ANK3: variants seen among roughly 807,000 people sequenced by gnomAD.
ANK3 encodes the protein ankyrin 3, also known as ankyrin-3.
In ANK3, 57 loss-of-function variants were observed where a neutral mutation model predicts 370.9. That is an observed-to-expected ratio of 0.15 (90% CI 0.12 to 0.19). ANK3 has a LOEUF of 0.19. Among genes scored for constraint, ANK3 ranks in the 10% least tolerant of loss-of-function variants. The pLI is 1.00. For missense variants in ANK3, 4,439 were observed against 5,302.1 expected (o/e 0.84, Z 5.06); for synonymous variants, 1,929 against 1,946.3 (o/e 0.99, Z 0.23).
intron 2 of ANK3, among the ~76,000 whole-genome samples, chr10:60,520,427 A>T (rs539185646): frequency 9.9e-5 from 15 of 152,264 alleles, no homozygotes; most frequent in East Asian, 9.7e-4. Context: ...CTAAAATAAA[A>T]GTTGAATTTA....
chr10:60,731,739 A>G (rs2080025198), intron 1 of ANK3, among the ~76,000 whole-genome samples: 1 of 152,210 alleles, frequency 6.6e-6, no homozygotes, highest in Non-Finnish European at 1.5e-5. Flanking sequence ...CTAAAGCAGC[A>G]ATCTGTGTCC....
chr10:60,432,822 A>G (rs186930572), intron 2 of ANK3, among the ~76,000 whole-genome samples: 19 of 152,308 alleles, frequency 1.2e-4, no homozygotes, highest in Admixed American at 1.0e-3. Flanking sequence ...ACCAAGTGAA[A>G]TTATCCCACT....
chr10:60,208,239 A>G lies in ANK3; in HGVS notation c.997-6T>C. The G allele has an allele frequency of 6.2e-7, 1 of 1,613,276 alleles. No individual in the cohort carries two copies. The highest frequency in any genetic ancestry group is 2.2e-5 in the East Asian group (1 of 44,878). On this transcript the variant is annotated splice_polypyrimidine_tract_variant and splice_region_variant and intron_variant, in intron 9 of 43. Coordinates refer to ENST00000280772, the MANE Select transcript of ANK3 (RefSeq NM_020987.5). Reference sequence around the variant, plus strand: ...TGCAATGGAGATAATCCATTCTGGAACACATAAAGAAATCAGAGTTCATTC... The same window carrying G: ...TGCAATGGAGATAATCCATTCTGGAGCACATAAAGAAATCAGAGTTCATTC...
At chr10:60,347,421 G>A (rs936714415) in intron 1 of ANK3, among the ~76,000 whole-genome samples, 1 of 151,664 alleles carries the variant, frequency 6.6e-6, no homozygotes, top group African/African-American at 2.4e-5. Context: ...GCACTTCCTT[G>A]GGATTGGATA....
Position 60,088,314 on chromosome 10 carries a change from T to C in ANK3, c.3373A>G (p.Ile1125Val). ...EELGKKRICR[I>V]ITKDFPQYFA... Reference sequence around the variant, plus strand: ...TACTGGGGGAAATCTTTCGTGATAATCCTGCAGATACGCTTTTTCCCTAAC... The same window carrying C: ...TACTGGGGGAAATCTTTCGTGATAACCCTGCAGATACGCTTTTTCCCTAAC... The change falls in exon 29 of 44, where the codon ATT becomes GTT. Residue 1125 changes from isoleucine to valine, a missense_variant. Coordinates refer to ENST00000280772, the MANE Select transcript of ANK3 (RefSeq NM_020987.5). 3 of 1,614,202 alleles carry C rather than the reference T, an allele frequency of 1.9e-6. No homozygotes were observed. Among genetic ancestry groups the C allele is most frequent in the Non-Finnish European group, 2.5e-6 (3 of 1,180,012 alleles).
chr10:60,233,535 G>A lies in ANK3; in HGVS notation c.897+1153C>T, dbSNP rs562204219. On this transcript the variant is annotated intron_variant, in intron 8 of 43. Coordinates refer to ENST00000280772, the MANE Select transcript of ANK3 (RefSeq NM_020987.5). ...TAGCCTTGAACTCCTGGGCTCAAGC[G>A]ATCCTCCTGCCTCAGCCTGTTGTAC... Among the ~76,000 whole-genome samples the A allele has an allele frequency of 4.7e-4, 72 of 152,238 alleles. 1 individual carries two copies. Among genetic ancestry groups the A allele is most frequent in the South Asian group, 1.7e-3 (8 of 4,828 alleles).
chr10:60,383,029 A>G (rs1429945268), intron 1 of ANK3, among the ~76,000 whole-genome samples: 2 of 152,024 alleles, frequency 1.3e-5, no homozygotes, highest in Non-Finnish European at 2.9e-5. Flanking sequence ...TTCACCCTGG[A>G]TGTCCATTAA....
chr10:60,281,940 A>C (rs565022270), intron 1 of ANK3, among the ~76,000 whole-genome samples: 2 of 152,374 alleles, frequency 1.3e-5, no homozygotes, highest in African/African-American at 4.8e-5. Flanking sequence ...ACAAAGGACA[A>C]ATAAAAGTTT....
At chr10:60,572,744 G>A in intron 2 of ANK3, 2 of 1,358,970 alleles carry the variant, frequency 1.5e-6, no homozygotes, top group South Asian at 4.1e-5. Context: ...GAAACTGGGT[G>A]TTCTCTATAT....
intron 25 of ANK3, among the ~76,000 whole-genome samples, chr10:60,129,951 T>C (rs550235436): frequency 1.1e-4 from 16 of 152,362 alleles, no homozygotes; most frequent in Non-Finnish European, 2.1e-4. Flanking sequence ...GATGAAATTA[T>C]TGCTGTGGAA....
chr10:60,347,570 G>A (rs951178575), intron 1 of ANK3, among the ~76,000 whole-genome samples: 1 of 152,040 alleles, frequency 6.6e-6, no homozygotes, highest in African/African-American at 2.4e-5. Context: ...CTACAGGGTT[G>A]TTTTAAGGAT....
intron 2 of ANK3, among the ~76,000 whole-genome samples, chr10:60,472,197 T>C (rs2065236509): frequency 6.6e-6 from 1 of 152,166 alleles, no homozygotes; most frequent in Non-Finnish European, 1.5e-5. Flanking sequence ...CATACATACG[T>C]GGTTAAGCAC....
At chr10:60,337,362 T>A (rs1189342786) in intron 1 of ANK3, among the ~76,000 whole-genome samples, 6 of 152,154 alleles carry the variant, frequency 3.9e-5, no homozygotes, top group Non-Finnish European at 1.5e-5. Context: ...TCTCCATTCT[T>A]GCCAAGCCCT....
At chr10:60,475,000 G>C (rs1018441422) in intron 2 of ANK3, among the ~76,000 whole-genome samples, 4 of 151,914 alleles carry the variant, frequency 2.6e-5, no homozygotes, top group African/African-American at 9.7e-5. Flanking sequence ...ATGTTATCTT[G>C]TTAACCCCAA....
chr10:60,096,414 G>A (rs1339654935), intron 28 of ANK3, among the ~76,000 whole-genome samples: 2 of 152,092 alleles, frequency 1.3e-5, no homozygotes, highest in East Asian at 1.9e-4. Flanking sequence ...AAAAAAGCTC[G>A]ACAAAATAAT....
chr10:60,037,897 T>C lies in ANK3; in HGVS notation c.*19+4775A>G, dbSNP rs182488672. Reference sequence around the variant, plus strand: ...CACTTTCCATAATGGTTGAACTAATTTGCACTCCCACCAATAGTGTATAAA... The same window carrying C: ...CACTTTCCATAATGGTTGAACTAATCTGCACTCCCACCAATAGTGTATAAA... On this transcript the variant is annotated intron_variant, in intron 43 of 43. Coordinates refer to ENST00000280772, the MANE Select transcript of ANK3 (RefSeq NM_020987.5). 2.8e-3 allele frequency among the ~76,000 whole-genome samples: 423 copies of C among 152,324 alleles called. 1 individual carries two copies. The highest frequency in any genetic ancestry group is 5.2e-3 in the Non-Finnish European group (354 of 68,032).
intron 2 of ANK3, among the ~76,000 whole-genome samples, chr10:60,513,364 T>C (rs1207310731): frequency 6.6e-6 from 1 of 152,108 alleles, no homozygotes; most frequent in Non-Finnish European, 1.5e-5. Flanking sequence ...AAGATTCTAC[T>C]TTATATGAGG....
intron 42 of ANK3, among the ~76,000 whole-genome samples, chr10:60,045,131 ATT>A (rs2131875066): frequency 6.6e-6 from 1 of 152,322 alleles, no homozygotes; most frequent in Admixed American, 6.5e-5. Flanking sequence ...TTATTCTGTC[ATT>A]TTTAAACCAG....
intron 1 of ANK3, chr10:60,300,407 A>T (rs1203335426): frequency 1.6e-6 from 2 of 1,289,366 alleles, no homozygotes; most frequent in African/African-American, 3.0e-5. Flanking sequence ...CACTTTGGAC[A>T]GAGCATCACA....
Sources: allele counts gnomAD v4.1 joint callset (sites outside exome capture counted in the v4.1 genomes callset), GRCh38; gene constraint gnomAD v4.1.1; transcripts MANE v1.5; gene names NCBI Gene and HGNC (gene_info 2026-07-23, HGNC 2026-07-21).